Variants in DOCK1 observed in about 807,000 individuals in gnomAD.
The protein encoded by DOCK1 is dedicator of cytokinesis 1.
In DOCK1, 138 loss-of-function variants were observed where a neutral mutation model predicts 262.7. That is an observed-to-expected ratio of 0.53 (90% CI 0.46 to 0.61). The LOEUF (loss-of-function observed/expected upper bound fraction) is 0.61, where lower values mean the gene tolerates loss of function less well. Among genes scored for constraint, DOCK1 ranks in the 20% least tolerant of loss-of-function variants. The pLI, the probability that DOCK1 is intolerant of heterozygous loss-of-function variation, is 0.00. For synonymous variants in DOCK1, 866 were observed against 867.4 expected, an observed-to-expected ratio of 1.00 and a Z score of 0.03; for missense variants, 1,908 against 2,370.7, an observed-to-expected ratio of 0.80 and a Z score of 4.05.
intron 37 of DOCK1, among the ~76,000 whole-genome samples, chr10:127,382,384 C>A (rs2134112887): frequency 6.6e-6 from 1 of 152,302 alleles, no homozygotes; most frequent in South Asian, 2.1e-4. Context: ...CACAAATATA[C>A]ACAGGCTGCC....
chr10:127,443,458 C>T (rs1467458489), intron 49 of DOCK1, among the ~76,000 whole-genome samples: 2 of 152,156 alleles, frequency 1.3e-5, no homozygotes, highest in Non-Finnish European at 2.9e-5. Context: ...GCTCCCACCT[C>T]TGTCTTAAGC....
At chr10:127,386,679 A>G (rs915974957) in intron 38 of DOCK1, among the ~76,000 whole-genome samples, 2 of 152,098 alleles carry the variant, frequency 1.3e-5, no homozygotes, top group Non-Finnish European at 2.9e-5. Context: ...GGTGAGTTGT[A>G]TAATTATTTC....
intron 23 of DOCK1, among the ~76,000 whole-genome samples, chr10:127,082,137 T>C (rs1182355708): frequency 1.3e-5 from 2 of 152,164 alleles, no homozygotes; most frequent in East Asian, 3.9e-4. Context: ...AGGTTAATTG[T>C]AGTAACAAAG....
intron 27 of DOCK1, among the ~76,000 whole-genome samples, chr10:127,140,628 T>C (rs957075826): frequency 9.2e-5 from 14 of 151,816 alleles, no homozygotes; most frequent in African/African-American, 3.4e-4. Flanking sequence ...TCGGTTGAGT[T>C]TGACACACCA....
intron 27 of DOCK1, among the ~76,000 whole-genome samples, chr10:127,222,634 TTGTG>T (rs758319631): frequency 7.8e-5 from 1 of 12,826 alleles, no homozygotes; most frequent in Non-Finnish European, 2.3e-4. Context: ...TTGTTTTGTG[TTGTG>T]TTGTGTTGTG....
intron 23 of DOCK1, among the ~76,000 whole-genome samples, chr10:127,082,808 G>A (rs551797461): frequency 1.3e-5 from 2 of 152,082 alleles, no homozygotes; most frequent in Non-Finnish European, 1.5e-5. Context: ...TGGGGAGCCC[G>A]ATTCCCTCCT....
In DOCK1 at chr10:127,069,647, G is replaced by A. The variant is rs190085989; in HGVS notation, c.2445+7871G>A. ...AGATGCGGTGGTTTGAATGAGGACC[G>A]TCTAGGTCACATTGTCTGTATGGAG... On this transcript the variant is annotated intron_variant, in intron 23 of 51. Transcript: ENST00000623213. 1.6e-3 allele frequency among the ~76,000 whole-genome samples: 251 copies of A among 152,194 alleles called. 2 individuals are homozygous for A. Among genetic ancestry groups the A allele is most frequent in the Non-Finnish European group, 2.2e-3 (149 of 68,020 alleles).
At chr10:127,103,200 A>G (rs2048351117) in intron 23 of DOCK1, among the ~76,000 whole-genome samples, 1 of 152,134 alleles carries the variant, frequency 6.6e-6, no homozygotes, top group Admixed American at 6.5e-5. Flanking sequence ...GGTTGTTTCT[A>G]GTGTTTGGAG....
intron 29 of DOCK1, among the ~76,000 whole-genome samples, chr10:127,296,638 T>G (rs1253738912): frequency 1.3e-5 from 2 of 152,230 alleles, no homozygotes; most frequent in Admixed American, 1.3e-4. Context: ...GTGTGTTTGC[T>G]TCTCTGTCTG....
chr10:127,364,030 G>A (rs1431849582), intron 33 of DOCK1, among the ~76,000 whole-genome samples: 1 of 152,216 alleles, frequency 6.6e-6, no homozygotes, highest in African/African-American at 2.4e-5. Context: ...CACTATAAAA[G>A]GTGGCTGTGG....
intron 29 of DOCK1, among the ~76,000 whole-genome samples, chr10:127,334,178 T>TTGG (rs2063101167): frequency 6.6e-6 from 1 of 152,220 alleles, no homozygotes; most frequent in Non-Finnish European, 1.5e-5. Flanking sequence ...TTCTCATTTC[T>TTGG]TGGTGGTGTT....
intron 29 of DOCK1, among the ~76,000 whole-genome samples, chr10:127,330,567 C>A (rs978365679): frequency 6.6e-6 from 1 of 152,170 alleles, no homozygotes; most frequent in East Asian, 1.9e-4. Flanking sequence ...GATGATCTGG[C>A]AATTCCACTT....
intron 27 of DOCK1, among the ~76,000 whole-genome samples, chr10:127,201,405 C>T (rs892535414): frequency 2.6e-5 from 4 of 152,188 alleles, no homozygotes; most frequent in Non-Finnish European, 5.9e-5. Flanking sequence ...CATGCCACTC[C>T]TCTGGCTTTC....
chr10:127,368,228 C>T (rs1183668589), intron 33 of DOCK1, among the ~76,000 whole-genome samples: 1 of 152,242 alleles, frequency 6.6e-6, no homozygotes, highest in Non-Finnish European at 1.5e-5. Context: ...GCACTCACTG[C>T]AGCTCCTCAA....
At chr10:127,026,165 A>G (rs2042845400) in intron 15 of DOCK1, 187 bp from the exon 16 acceptor site, 1 of 605,602 alleles carries the variant, frequency 1.7e-6, no homozygotes, top group African/African-American at 1.9e-5. Context: ...CAGCTGTTAC[A>G]ATATGATACA....
chr10:127,313,163 C>T (rs142605333), intron 29 of DOCK1, among the ~76,000 whole-genome samples: 35 of 152,260 alleles, frequency 2.3e-4, no homozygotes, highest in African/African-American at 8.2e-4. Flanking sequence ...GTCTTCCCAC[C>T]TGGATGCAAG....
intron 27 of DOCK1, among the ~76,000 whole-genome samples, chr10:127,194,234 A>G (rs1313477023): frequency 1.3e-5 from 2 of 152,254 alleles, no homozygotes; most frequent in Non-Finnish European, 2.9e-5. Context: ...GCTGTGCTAG[A>G]CTTTTTCTTT....
chr10:127,098,757 G>T (rs1198019174), intron 23 of DOCK1, among the ~76,000 whole-genome samples: 1 of 152,106 alleles, frequency 6.6e-6, no homozygotes, highest in East Asian at 1.9e-4. Flanking sequence ...CGGCAGATAA[G>T]ATTCCACGCA....
At chr10:127,428,363 A>G (rs749315564) in intron 47 of DOCK1, among the ~76,000 whole-genome samples, 7 of 148,678 alleles carry the variant, frequency 4.7e-5, no homozygotes, top group Non-Finnish European at 1.1e-4. Flanking sequence ...TGGAGAAAGC[A>G]AGGGCAGGAA....
Sources: gnomAD v4.1 joint callset for allele counts (sites outside exome capture counted in the v4.1 genomes callset) on GRCh38, gnomAD v4.1.1 for gene constraint, MANE v1.5 for transcripts, NCBI Gene and HGNC (gene_info 2026-07-23, HGNC 2026-07-21) for gene names.